DPP10: variants seen among roughly 807,000 people sequenced by gnomAD.
The protein encoded by DPP10 is inactive dipeptidyl peptidase 10.
Under a neutral mutation model 120.9 loss-of-function variants are expected in DPP10, and 33 were observed. The ratio of observed to expected loss-of-function variants is 0.27; its 90% CI spans 0.21 to 0.37. DPP10 has a LOEUF of 0.37. Among genes scored for constraint, DPP10 ranks in the 10% least tolerant of loss-of-function variants. The pLI, the probability that DPP10 is intolerant of heterozygous loss-of-function variation, is 1.00. For synonymous variants in DPP10, 337 were observed against 326.1 expected, an observed-to-expected ratio of 1.03 and a Z score of -0.36; for missense variants, 816 against 942.8, an observed-to-expected ratio of 0.87 and a Z score of 1.76.
chr2:114,711,420 A>C (rs146843750), intron 1 of DPP10, among the ~76,000 whole-genome samples: 5,010 of 152,330 alleles, frequency 0.033, 125 homozygotes, highest in Middle Eastern at 0.065. Context: ...TTCAGGATCC[A>C]GCTGCCTGGG....
intron 4 of DPP10, among the ~76,000 whole-genome samples, chr2:115,506,861 G>A (rs1022963453): frequency 3.3e-5 from 5 of 152,048 alleles, no homozygotes; most frequent in Admixed American, 3.3e-4. Flanking sequence ...ACATAGCTTT[G>A]TTTGCCTTAA....
At chr2:115,067,719 CG>C (rs1707013191) in intron 1 of DPP10, among the ~76,000 whole-genome samples, 1 of 148,462 alleles carries the variant, frequency 6.7e-6, no homozygotes, top group African/African-American at 2.5e-5. Context: ...AAAAATTAGC[CG>C]GGCGTGGTGG....
intron 1 of DPP10, among the ~76,000 whole-genome samples, chr2:114,663,724 C>T (rs1250502156): frequency 4.3e-5 from 6 of 140,734 alleles, no homozygotes; most frequent in African/African-American, 1.7e-4. Context: ...CTCTCTAGAG[C>T]CACCCTACTT....
At chr2:115,281,546 A>G (rs993914564) in intron 1 of DPP10, among the ~76,000 whole-genome samples, 1 of 152,214 alleles carries the variant, frequency 6.6e-6, no homozygotes, top group African/African-American at 2.4e-5. Context: ...GCTCACCAGA[A>G]TTAGAATATG....
At position 114,929,189 on chromosome 2, in the gene DPP10, A is replaced by G. The variant is rs10185739; in HGVS notation, c.61-380050A>G. On this transcript the variant is annotated intron_variant, in intron 1 of 25. Coordinates refer to ENST00000410059, the MANE Select transcript of DPP10 (RefSeq NM_020868.6). ...AAGATCCCATGCTTGAACGGACAAT[A>G]CAAGATCACAAGGGCAGAGAGGCAG... Among the ~76,000 whole-genome samples, 616 of 152,270 alleles carry G rather than the reference A, an allele frequency of 4.0e-3. 1 individual carries two copies. Among genetic ancestry groups the G allele is most frequent in the African/African-American group, 0.015 (603 of 41,562 alleles).
intron 21 of DPP10, among the ~76,000 whole-genome samples, chr2:115,831,985 T>G (rs2150103080): frequency 6.6e-6 from 1 of 152,306 alleles, no homozygotes; most frequent in East Asian, 1.9e-4. Flanking sequence ...GCCTCTAATT[T>G]ACTACAGACG....
intron 3 of DPP10, among the ~76,000 whole-genome samples, chr2:115,480,723 G>A (rs182512284): frequency 6.6e-6 from 1 of 152,188 alleles, no homozygotes; most frequent in East Asian, 1.9e-4. Flanking sequence ...AAGAAGAACA[G>A]GAAGGCTCAT....
chr2:115,288,644 A>G lies in DPP10; in HGVS notation c.61-20595A>G, dbSNP rs553335084. Among the ~76,000 whole-genome samples the G allele has an allele frequency of 6.6e-5, 10 of 152,052 alleles. No homozygotes were observed. In the East Asian group the frequency reaches 1.9e-3, roughly 30 times the overall value. ...AGGCTGAGGTAGGAGAATTGCTTGGACCCAGGAAACGAGGTTGCAGTGAGC... is the reference window on the plus strand; with the variant it reads ...AGGCTGAGGTAGGAGAATTGCTTGGGCCCAGGAAACGAGGTTGCAGTGAGC... On this transcript the variant is annotated intron_variant, in intron 1 of 25. Transcript: ENST00000410059.
intron 1 of DPP10, among the ~76,000 whole-genome samples, chr2:114,987,322 C>T (rs1700466108): frequency 1.3e-5 from 2 of 152,164 alleles, no homozygotes; most frequent in South Asian, 4.1e-4. Flanking sequence ...CGTTACCCAA[C>T]CTTCTGCTGA....
At chr2:114,484,922 T>C (rs1264812919) in intron 1 of DPP10, among the ~76,000 whole-genome samples, 4 of 152,070 alleles carry the variant, frequency 2.6e-5, no homozygotes, top group South Asian at 4.1e-4. Context: ...GTTTATTTCA[T>C]TGGGCTGCTT....
chr2:114,763,880 TC>T (rs1680487633), intron 1 of DPP10, among the ~76,000 whole-genome samples: 1 of 152,218 alleles, frequency 6.6e-6, no homozygotes, highest in South Asian at 2.1e-4. Context: ...GATTACTCTT[TC>T]AAGTGATCTC....
At chr2:114,925,751 C>G (rs1225346417) in intron 1 of DPP10, among the ~76,000 whole-genome samples, 2 of 152,088 alleles carry the variant, frequency 1.3e-5, no homozygotes, top group African/African-American at 4.8e-5. Flanking sequence ...TGTGTACGTG[C>G]AGGGATATGG....
intron 3 of DPP10, among the ~76,000 whole-genome samples, chr2:115,476,926 C>T: frequency 1.0e-5 from 1 of 96,296 alleles, no homozygotes; most frequent in Non-Finnish European, 2.5e-5. Flanking sequence ...ATGATCATCA[C>T]AATTGATACA....
intron 1 of DPP10, among the ~76,000 whole-genome samples, chr2:114,538,445 G>A (rs565509532): frequency 6.6e-5 from 10 of 152,206 alleles, no homozygotes; most frequent in African/African-American, 2.2e-4. Flanking sequence ...TAAAGTCCAG[G>A]GAACCAGTTA....
rs72840776 is a variant in DPP10 at position 115,406,073 on chromosome 2, C to T, written c.271+62161C>T. On this transcript the variant is annotated intron_variant, in intron 3 of 25. Coordinates refer to ENST00000410059, the MANE Select transcript of DPP10 (RefSeq NM_020868.6). ...ACCACATGGTCAAGCAATAAATTGA[C>T]CAAATCTTTTCACTCTACTTCCCTT... Among the ~76,000 whole-genome samples, 948 of 152,314 alleles carry T rather than the reference C, an allele frequency of 6.2e-3. 4 individuals are homozygous for T. The highest frequency in any genetic ancestry group is 9.9e-3 in the Non-Finnish European group (672 of 68,026).
chr2:115,569,053 A>C (rs772702727), intron 5 of DPP10, among the ~76,000 whole-genome samples: 7 of 152,222 alleles, frequency 4.6e-5, no homozygotes, highest in Non-Finnish European at 1.0e-4. Context: ...GATGTGTACA[A>C]GTAATATCTT....
At chr2:115,366,155 A>G (rs906475065) in intron 3 of DPP10, among the ~76,000 whole-genome samples, 1 of 151,626 alleles carries the variant, frequency 6.6e-6, no homozygotes, top group African/African-American at 2.4e-5. Context: ...TTTTTTTTCC[A>G]TTTTCTTCCC....
At chr2:115,019,578 T>G (rs974636371) in intron 1 of DPP10, among the ~76,000 whole-genome samples, 1 of 152,160 alleles carries the variant, frequency 6.6e-6, no homozygotes, top group African/African-American at 2.4e-5. Flanking sequence ...ATATAAAAGT[T>G]TGGAAAACAT....
At chr2:114,864,093 C>T (rs1690033739) in intron 1 of DPP10, among the ~76,000 whole-genome samples, 1 of 152,118 alleles carries the variant, frequency 6.6e-6, no homozygotes, top group African/African-American at 2.4e-5. Context: ...AGGAAGGTCT[C>T]TTAGAGAAAC....
Sources: allele counts gnomAD v4.1 joint callset (sites outside exome capture counted in the v4.1 genomes callset), GRCh38; gene constraint gnomAD v4.1.1; transcripts MANE v1.5; gene names NCBI Gene and HGNC (gene_info 2026-07-23, HGNC 2026-07-21).